KCND2: variants seen among roughly 807,000 people sequenced by gnomAD.
The protein encoded by KCND2 is potassium voltage-gated channel subfamily D member 2.
Under a neutral mutation model 54.4 loss-of-function variants are expected in KCND2, and 16 were observed. The observed-to-expected ratio is 0.29, with a 90% confidence interval of 0.20 to 0.45. The LOEUF is 0.45. KCND2 is among the 20% of genes least tolerant of loss of function. The pLI is 1.00. For missense variants in KCND2, 486 were observed against 824.2 expected (o/e 0.59, Z 5.02); for synonymous variants, 317 against 310.7 (o/e 1.02, Z -0.21).
At chr7:120,631,391 G>A (rs940403311) in intron 1 of KCND2, among the ~76,000 whole-genome samples, 1 of 152,008 alleles carries the variant, frequency 6.6e-6, no homozygotes, top group African/African-American at 2.4e-5. Context: ...AAAATAATAA[G>A]TTTAAAAAAT....
At chr7:120,483,995 A>G (rs1163281540) in intron 1 of KCND2, among the ~76,000 whole-genome samples, 2 of 152,146 alleles carry the variant, frequency 1.3e-5, no homozygotes, top group African/African-American at 4.8e-5. Flanking sequence ...CTGAAGAGAA[A>G]AAAAAGCTTG....
intron 1 of KCND2, among the ~76,000 whole-genome samples, chr7:120,644,830 A>G (rs1457517024): frequency 6.6e-6 from 1 of 152,236 alleles, no homozygotes; most frequent in East Asian, 1.9e-4. Context: ...ATCCTAATAT[A>G]TCCTGGACTA....
intron 1 of KCND2, among the ~76,000 whole-genome samples, chr7:120,631,776 A>G (rs1443305552): frequency 6.6e-6 from 1 of 152,148 alleles, no homozygotes; most frequent in Non-Finnish European, 1.5e-5. Flanking sequence ...TCAAGTACAA[A>G]TAGTTCATTG....
At chr7:120,485,517 G>C (rs1232566388) in intron 1 of KCND2, among the ~76,000 whole-genome samples, 1 of 152,108 alleles carries the variant, frequency 6.6e-6, no homozygotes, top group South Asian at 2.1e-4. Context: ...TGTAGTCCTT[G>C]ATTTGCTCAG....
At position 120,320,194 on chromosome 7, in the gene KCND2, C is replaced by T. The variant is rs139137943; in HGVS notation, c.1115+44447C>T. On this transcript the variant is annotated intron_variant, in intron 1 of 5. Coordinates refer to ENST00000331113, the MANE Select transcript of KCND2 (RefSeq NM_012281.3). ...AGAAATTGTGTAGGGAAGACAGGCA[C>T]GTAATATAGTAATATAAGTATAATA... 3.5e-3 allele frequency among the ~76,000 whole-genome samples: 533 copies of T among 151,778 alleles called. 1 individual carries two copies. The highest frequency in any genetic ancestry group is 0.012 in the African/African-American group (487 of 41,388).
At chr7:120,599,686 G>A (rs1362039169) in intron 1 of KCND2, among the ~76,000 whole-genome samples, 1 of 151,948 alleles carries the variant, frequency 6.6e-6, no homozygotes, top group East Asian at 1.9e-4. Context: ...AAACTCATTA[G>A]TTCTAATAGC....
intron 1 of KCND2, among the ~76,000 whole-genome samples, chr7:120,425,037 C>G (rs1041894247): frequency 2.6e-5 from 4 of 152,198 alleles, no homozygotes; most frequent in Admixed American, 2.6e-4. Flanking sequence ...AGTGAAACTT[C>G]AGAATCATTT....
chr7:120,282,753 G>A (rs1799285254), intron 1 of KCND2, among the ~76,000 whole-genome samples: 1 of 152,072 alleles, frequency 6.6e-6, no homozygotes, highest in South Asian at 2.1e-4. Context: ...AACAATATCA[G>A]TAATAGTGCT....
At position 120,387,383 on chromosome 7, in the gene KCND2, A is replaced by G. The variant is rs570112709; in HGVS notation, c.1115+111636A>G. Reference sequence around the variant, plus strand: ...TGAAAACATAGTCAAAAATATGAAGATTAAAATTACTGTTTTTAAAAAATA... The same window carrying G: ...TGAAAACATAGTCAAAAATATGAAGGTTAAAATTACTGTTTTTAAAAAATA... On this transcript the variant is annotated intron_variant, in intron 1 of 5. Coordinates refer to ENST00000331113, the MANE Select transcript of KCND2 (RefSeq NM_012281.3). Among the ~76,000 whole-genome samples, 128 of 152,206 alleles carry G rather than the reference A, an allele frequency of 8.4e-4. 1 individual carries two copies. Among genetic ancestry groups the G allele is most frequent in the African/African-American group, 3.0e-3 (123 of 41,572 alleles).
intron 1 of KCND2, among the ~76,000 whole-genome samples, chr7:120,425,904 T>C (rs546994511): frequency 6.6e-6 from 1 of 152,272 alleles, no homozygotes; most frequent in African/African-American, 2.4e-5. Flanking sequence ...TCTTCTACTT[T>C]CCTCTTTCTC....
At chr7:120,416,266 T>C (rs1263365553) in intron 1 of KCND2, among the ~76,000 whole-genome samples, 2 of 152,180 alleles carry the variant, frequency 1.3e-5, no homozygotes, top group Non-Finnish European at 2.9e-5. Flanking sequence ...TGGCCTTTAA[T>C]CAGCTGTTTA....
At chr7:120,732,176 G>A (rs936910783) in intron 1 of KCND2, among the ~76,000 whole-genome samples, 3 of 152,016 alleles carry the variant, frequency 2.0e-5, no homozygotes, top group Non-Finnish European at 4.4e-5. Context: ...ATAAGAGGAC[G>A]GAAGACTGAG....
At chr7:120,425,960 A>T (rs768813755) in intron 1 of KCND2, among the ~76,000 whole-genome samples, 50 of 145,830 alleles carry the variant, frequency 3.4e-4, no homozygotes, top group Non-Finnish European at 5.7e-4. Flanking sequence ...TTTTTTTTTT[A>T]GAACTAGTTA....
At chr7:120,707,222 A>T (rs115206616) in intron 1 of KCND2, among the ~76,000 whole-genome samples, 247 of 152,276 alleles carry the variant, frequency 1.6e-3, no homozygotes, top group African/African-American at 5.6e-3. Flanking sequence ...GCTGTTGGCT[A>T]GTCTAAGAAA....
intron 1 of KCND2, among the ~76,000 whole-genome samples, chr7:120,347,046 T>A (rs1800329474): frequency 6.6e-6 from 1 of 152,172 alleles, no homozygotes. Context: ...TGGCTCTTTT[T>A]TTTTTGTTCG....
At chr7:120,350,014 T>G (rs1423345931) in intron 1 of KCND2, among the ~76,000 whole-genome samples, 1 of 152,070 alleles carries the variant, frequency 6.6e-6, no homozygotes, top group Non-Finnish European at 1.5e-5. Flanking sequence ...TCTATGTTAT[T>G]TATTGGATAA....
chr7:120,332,388 A>G (rs908411003), intron 1 of KCND2, among the ~76,000 whole-genome samples: 3 of 152,114 alleles, frequency 2.0e-5, no homozygotes, highest in Non-Finnish European at 2.9e-5. Context: ...ATGTTTTAAA[A>G]TCAGTGATAC....
chr7:120,349,401 T>C (rs547910632), intron 1 of KCND2, among the ~76,000 whole-genome samples: 1 of 152,226 alleles, frequency 6.6e-6, no homozygotes, highest in East Asian at 1.9e-4. Context: ...ACAATGTCTT[T>C]CTGGAATTAA....
At chr7:120,707,755 A>G (rs1286077564) in intron 1 of KCND2, among the ~76,000 whole-genome samples, 2 of 152,100 alleles carry the variant, frequency 1.3e-5, no homozygotes, top group African/African-American at 4.8e-5. Flanking sequence ...GTAGAGGGAC[A>G]TTGTTTCTGA....
Sources: gnomAD v4.1 joint callset for allele counts (sites outside exome capture counted in the v4.1 genomes callset) on GRCh38, gnomAD v4.1.1 for gene constraint, MANE v1.5 for transcripts, NCBI Gene and HGNC (gene_info 2026-07-23, HGNC 2026-07-21) for gene names.